The following FBXW7 variants were observed in gnomAD, a reference collection of about 807,000 sequenced individuals.
FBXW7 encodes the protein F-box and WD repeat domain containing 7, also known as F-box/WD repeat-containing protein 7.
Under a neutral mutation model 86.3 loss-of-function variants are expected in FBXW7, and 11 were observed. The ratio of observed to expected loss-of-function variants is 0.13; its 90% CI spans 0.08 to 0.21. FBXW7 has a LOEUF of 0.21. Among genes scored for constraint, FBXW7 ranks in the 10% least tolerant of loss-of-function variants. The probability of loss-of-function intolerance (pLI) is 1.00; values close to 1 mark genes in which losing one functional copy is unlikely to be tolerated. For missense variants in FBXW7, 488 were observed against 847.4 expected (o/e 0.58, Z 5.27); for synonymous variants, 313 against 297.9 (o/e 1.05, Z -0.52).
intron 2 of FBXW7, among the ~76,000 whole-genome samples, chr4:152,425,451 T>C (rs1739296953): frequency 6.6e-6 from 1 of 152,186 alleles, no homozygotes; most frequent in African/African-American, 2.4e-5. Flanking sequence ...ACCTTAAATA[T>C]TGTATTTTTA....
At chr4:152,532,297 T>C (rs780350129) in intron 2 of FBXW7, among the ~76,000 whole-genome samples, 1 of 152,212 alleles carries the variant, frequency 6.6e-6, no homozygotes, top group Non-Finnish European at 1.5e-5. Flanking sequence ...CCTCCTTCTG[T>C]ATAGCCCTGG....
chr4:152,515,349 T>A (rs1416977031), intron 2 of FBXW7, among the ~76,000 whole-genome samples: 1 of 152,208 alleles, frequency 6.6e-6, no homozygotes, highest in Non-Finnish European at 1.5e-5. Context: ...AGGATTTAAC[T>A]GTGAAGGGGC....
chr4:152,350,266 TTTC>T, intron 4 of FBXW7, 142 bp from the exon 5 acceptor site: 2 of 452,672 alleles, frequency 4.4e-6, no homozygotes, highest in Non-Finnish European at 8.0e-6. Flanking sequence ...TGTTTCATAG[TTTC>T]TTCTATTTGT....
intron 4 of FBXW7, among the ~76,000 whole-genome samples, chr4:152,370,614 A>AT (rs1733925082): frequency 6.6e-6 from 1 of 152,070 alleles, no homozygotes; most frequent in South Asian, 2.1e-4. Flanking sequence ...TGTTTTTAGC[A>AT]TTATCTACAC....
chr4:152,438,189 T>A (rs758209908), intron 2 of FBXW7, among the ~76,000 whole-genome samples: 23 of 152,088 alleles, frequency 1.5e-4, no homozygotes, highest in Non-Finnish European at 1.5e-4. Context: ...AAATAAATAG[T>A]AAAGTATTTT....
intron 2 of FBXW7, among the ~76,000 whole-genome samples, chr4:152,463,151 G>A (rs1048996528): frequency 2.6e-5 from 4 of 151,898 alleles, no homozygotes; most frequent in African/African-American, 9.7e-5. Flanking sequence ...AGCTGGGCGT[G>A]GTGGTGGGCG....
In FBXW7 at chr4:152,499,641, T is replaced by C. The variant is rs548898165; in HGVS notation, c.-120+35300A>G. ...CCTTCCTGTTTTCTCATATAACCCATGAAGTAAACTGCAAAAAGGGGGCAG... is the reference window on the plus strand; with the variant it reads ...CCTTCCTGTTTTCTCATATAACCCACGAAGTAAACTGCAAAAAGGGGGCAG... On this transcript the variant is annotated intron_variant, in intron 2 of 13. Transcript: ENST00000281708. Among the ~76,000 whole-genome samples, 10 of 152,098 alleles carry C rather than the reference T, an allele frequency of 6.6e-5. No individual in the cohort carries two copies. The South Asian group carries it at 1.7e-3, about 25-fold the overall frequency.
At position 152,346,892 on chromosome 4, in the gene FBXW7, A is replaced by C. The variant is rs779226946; in HGVS notation, c.726+38T>G. Reference sequence around the variant, plus strand: ...AATAATCCCTTATTTTGCAGCAATTAAGTGAGGCATTTCAAGTACTATGTT... The same window carrying C: ...AATAATCCCTTATTTTGCAGCAATTCAGTGAGGCATTTCAAGTACTATGTT... On this transcript the variant is annotated intron_variant, in intron 6 of 13. Transcript: ENST00000281708. 33 of 1,609,460 alleles carry C rather than the reference A, an allele frequency of 2.1e-5. 1 individual carries two copies. The South Asian group carries it at 3.4e-4, about 17-fold the overall frequency.
intron 2 of FBXW7, among the ~76,000 whole-genome samples, chr4:152,475,145 T>C: frequency 6.7e-6 from 1 of 150,188 alleles, no homozygotes. Flanking sequence ...TTAATAATAA[T>C]AATGATAATA....
chr4:152,398,810 A>G (rs974083211), intron 4 of FBXW7, among the ~76,000 whole-genome samples: 1 of 152,094 alleles, frequency 6.6e-6, no homozygotes, highest in Non-Finnish European at 1.5e-5. Flanking sequence ...AGATTTCAGG[A>G]CAAGAGTCAA....
intron 4 of FBXW7, among the ~76,000 whole-genome samples, chr4:152,408,977 A>C (rs887774059): frequency 6.6e-6 from 1 of 152,230 alleles, no homozygotes; most frequent in South Asian, 2.1e-4. Context: ...TGCTTGCCAT[A>C]AGGCTCCCAA....
intron 2 of FBXW7, among the ~76,000 whole-genome samples, chr4:152,501,506 C>T (rs1231476385): frequency 6.6e-6 from 1 of 152,140 alleles, no homozygotes; most frequent in African/African-American, 2.4e-5. Context: ...AAGGTTGGTG[C>T]TTTAATAACT....
Position 152,330,796 on chromosome 4 carries a change from C to G in FBXW7, c.1058G>C (p.Ser353Thr). The stretch of plus-strand genomic sequence containing the variant: ...AATTCTGTGCTGTCTGATGTATGCA[C>G]TTTTCCATGGACTGTGTATGAAACC... ...KPGFIHSPWK[S>T]AYIRQHRIDT... is the part of the protein sequence containing the mutation. The change falls in exon 9 of 14, where the codon AGT (serine) becomes ACT (threonine). Residue 353 changes from serine (S) to threonine (T), a missense_variant. Ser to Thr is a moderately conservative substitution (Grantham distance 58, BLOSUM62 1). Transcript: ENST00000281708. The G allele has an allele frequency of 6.2e-7, 1 of 1,612,748 alleles. No individual in the cohort carries two copies.
At chr4:152,426,948 G>A (rs1397707140) in intron 2 of FBXW7, among the ~76,000 whole-genome samples, 1 of 152,150 alleles carries the variant, frequency 6.6e-6, no homozygotes, top group Non-Finnish European at 1.5e-5. Context: ...CAATACAACG[G>A]GGAGCTCTGT....
At chr4:152,452,269 T>A (rs1306853932) in intron 2 of FBXW7, among the ~76,000 whole-genome samples, 1 of 152,088 alleles carries the variant, frequency 6.6e-6, no homozygotes, top group East Asian at 1.9e-4. Context: ...CTTTTTGGGG[T>A]CTTCAATAAT....
intron 2 of FBXW7, among the ~76,000 whole-genome samples, chr4:152,478,853 T>C (rs78369425): frequency 0.014 from 2,085 of 152,250 alleles, 26 homozygotes; most frequent in Middle Eastern, 0.037. Context: ...TATATCTTCT[T>C]TGGAGAAATA....
At chr4:152,397,068 T>C (rs1736479776) in intron 4 of FBXW7, among the ~76,000 whole-genome samples, 1 of 152,014 alleles carries the variant, frequency 6.6e-6, no homozygotes, top group Non-Finnish European at 1.5e-5. Flanking sequence ...GAGTGAATTA[T>C]TGTTCCTTCT....
rs202087457 is a variant in FBXW7 at position 152,365,512 on chromosome 4, T to TA, written c.502-15389dup. On this transcript the variant is annotated intron_variant, in intron 4 of 13. Coordinates refer to ENST00000281708, the MANE Select transcript of FBXW7 (RefSeq NM_001349798.2). ...ACAGAGATGCATAGGAGTGGGCAGT[T>TA]AAGAGACATTTAGGACATCAAACTG... Among the ~76,000 whole-genome samples, 64 of 152,212 alleles carry TA rather than the reference T, an allele frequency of 4.2e-4. 1 individual carries two copies. In the East Asian group the frequency reaches 0.011, roughly 27 times the overall value.
chr4:152,506,748 TCA>T (rs1032595260), intron 2 of FBXW7, among the ~76,000 whole-genome samples: 3 of 152,232 alleles, frequency 2.0e-5, no homozygotes, highest in Non-Finnish European at 4.4e-5. Flanking sequence ...TGTTTCAGGA[TCA>T]CCGAAGGGCT....
Sources: gnomAD v4.1 joint callset for allele counts (sites outside exome capture counted in the v4.1 genomes callset) on GRCh38, gnomAD v4.1.1 for gene constraint, MANE v1.5 for transcripts, NCBI Gene and HGNC (gene_info 2026-07-23, HGNC 2026-07-21) for gene names.